Variants in MEF2C observed in about 807,000 individuals in gnomAD.
MEF2C encodes the protein myocyte-specific enhancer factor 2C.
MEF2C carries 6 observed loss-of-function variants against 50.5 expected under a neutral mutation model. The ratio of observed to expected loss-of-function variants is 0.12; its 90% CI spans 0.07 to 0.23. The LOEUF (loss-of-function observed/expected upper bound fraction) is 0.23, where lower values mean the gene tolerates loss of function less well. MEF2C is among the 10% of genes least tolerant of loss of function. The pLI is 1.00. For missense variants in MEF2C, 276 were observed against 605.0 expected, an observed-to-expected ratio of 0.46 and a Z score of 5.70; for synonymous variants, 183 against 228.0, an observed-to-expected ratio of 0.80 and a Z score of 1.78.
At chr5:88,834,978 T>C (rs1327177636) in intron 1 of MEF2C, among the ~76,000 whole-genome samples, 1 of 152,220 alleles carries the variant, frequency 6.6e-6, no homozygotes, top group Non-Finnish European at 1.5e-5. Flanking sequence ...ATAAAAATTG[T>C]AAATACTTTG....
intron 3 of MEF2C, among the ~76,000 whole-genome samples, chr5:88,791,967 A>C (rs1793959892): frequency 6.6e-6 from 1 of 152,064 alleles, no homozygotes; most frequent in Non-Finnish European, 1.5e-5. Context: ...TTGAAAAGCA[A>C]TTATATGCTT....
chr5:88,760,944 T>C (rs1580249970), intron 4 of MEF2C: 1 of 1,576,634 alleles, frequency 6.3e-7, no homozygotes, highest in Non-Finnish European at 8.6e-7. Flanking sequence ...GGTATGTTAC[T>C]GCAGCAGTTA....
chr5:88,785,606 TA>T (rs1002051545), intron 3 of MEF2C: 2 of 152,182 alleles, frequency 1.3e-5, no homozygotes, highest in African/African-American at 4.8e-5. Flanking sequence ...TGAAACTCCT[TA>T]AAGTTTTGAG....
chr5:88,898,123 C>T (rs1582048677), intron 1 of MEF2C, among the ~76,000 whole-genome samples: 1 of 152,210 alleles, frequency 6.6e-6, no homozygotes, highest in East Asian at 1.9e-4. Flanking sequence ...CCTGTTCTCT[C>T]CACTAATGTT....
chr5:88,766,800 T>C (rs952694092), intron 3 of MEF2C: 1 of 985,288 alleles, frequency 1.0e-6, no homozygotes, highest in African/African-American at 1.7e-5. Flanking sequence ...ATTATTACTA[T>C]TAGTTGCATC....
chr5:88,738,409 T>TAA, intron 6 of MEF2C: 1 of 976,602 alleles, frequency 1.0e-6, no homozygotes. Flanking sequence ...TACATGGATA[T>TAA]AAAGCACTTT....
chr5:88,746,181 G>C (rs13155426), intron 6 of MEF2C, among the ~76,000 whole-genome samples: 2 of 152,172 alleles, frequency 1.3e-5, no homozygotes, highest in African/African-American at 4.8e-5. Context: ...AAGGTTTTAA[G>C]AAAGAACAAG....
intron 6 of MEF2C, among the ~76,000 whole-genome samples, chr5:88,745,472 G>A (rs763768545): frequency 1.3e-5 from 2 of 152,232 alleles, no homozygotes; most frequent in Admixed American, 6.5e-5. Flanking sequence ...GTAAGAGTAA[G>A]CGGCCGTGAC....
intron 3 of MEF2C, among the ~76,000 whole-genome samples, chr5:88,769,061 G>A (rs1378640299): frequency 6.6e-6 from 1 of 152,132 alleles, no homozygotes; most frequent in African/African-American, 2.4e-5. Context: ...CTGAAAGAGG[G>A]CACAGAATTT....
chr5:88,846,274 A>C (rs1441265341), intron 1 of MEF2C, among the ~76,000 whole-genome samples: 1 of 151,980 alleles, frequency 6.6e-6, no homozygotes, highest in East Asian at 1.9e-4. Flanking sequence ...CACCATGTTG[A>C]TCAGGCTGGT....
chr5:88,841,784 C>T (rs891268129), intron 1 of MEF2C, among the ~76,000 whole-genome samples: 5 of 152,166 alleles, frequency 3.3e-5, no homozygotes, highest in African/African-American at 1.2e-4. Context: ...GTTCAAGGCA[C>T]TATTCTATGT....
chr5:88,868,251 AT>A (rs143669515), intron 1 of MEF2C, among the ~76,000 whole-genome samples: 6,025 of 152,266 alleles, frequency 0.04, 180 homozygotes, highest in South Asian at 0.058. Context: ...TTTATGAAGC[AT>A]TACTAAATAA....
intron 3 of MEF2C, among the ~76,000 whole-genome samples, chr5:88,804,115 T>C (rs895678581): frequency 6.6e-6 from 1 of 152,314 alleles, no homozygotes; most frequent in Non-Finnish European, 1.5e-5. Flanking sequence ...GCATTCAGAA[T>C]AATGAGTTAC....
intron 5 of MEF2C, 163 bp from the exon 6 acceptor site, chr5:88,749,280 G>C: frequency 1.1e-6 from 1 of 937,822 alleles, no homozygotes; most frequent in South Asian, 4.9e-5. Context: ...GTGCCATGCT[G>C]TGCTCAAACG....
At chr5:88,747,332 A>ATT (rs1770258010) in intron 6 of MEF2C, among the ~76,000 whole-genome samples, 1 of 20,266 alleles carries the variant, frequency 4.9e-5, no homozygotes, top group Non-Finnish European at 1.2e-4. Context: ...TTTTTTTACT[A>ATT]CTTTTTTTTT....
intron 1 of MEF2C, chr5:88,881,329 T>C (rs776080578): frequency 1.3e-5 from 2 of 152,178 alleles, no homozygotes; most frequent in Non-Finnish European, 2.9e-5. Flanking sequence ...ACCTATCAAG[T>C]TCTGAGTCTT....
chr5:88,747,921 G>GA (rs1426938915), intron 6 of MEF2C: 15 of 395,100 alleles, frequency 3.8e-5, no homozygotes, highest in Non-Finnish European at 5.2e-5. Context: ...TTTTTTGAGG[G>GA]AAAAAATTTC....
At chr5:88,822,270 C>A (rs1387806732) in intron 2 of MEF2C, among the ~76,000 whole-genome samples, 2 of 151,860 alleles carry the variant, frequency 1.3e-5, no homozygotes, top group Admixed American at 6.6e-5. Context: ...AGGTTCTGGT[C>A]CAAATAACAA....
chr5:88,774,028 A>G (rs1783631080), intron 3 of MEF2C, among the ~76,000 whole-genome samples: 1 of 152,232 alleles, frequency 6.6e-6, no homozygotes, highest in African/African-American at 2.4e-5. Context: ...GCAGACAGAC[A>G]TCCTGGGGTT....
Sources: allele counts gnomAD v4.1 joint callset (sites outside exome capture counted in the v4.1 genomes callset), GRCh38; gene constraint gnomAD v4.1.1; transcripts MANE v1.5; gene names NCBI Gene and HGNC (gene_info 2026-07-23, HGNC 2026-07-21).